Variants in CARMIL1 observed in about 807,000 individuals in gnomAD.
CARMIL1 encodes the protein capping protein regulator and myosin 1 linker 1, also known as F-actin-uncapping protein LRRC16A.
CARMIL1 carries 90 observed loss-of-function variants against 177.1 expected under a neutral mutation model. The ratio of observed to expected loss-of-function variants is 0.51; its 90% CI spans 0.43 to 0.61. CARMIL1 has a LOEUF of 0.61. CARMIL1 is among the 20% of genes least tolerant of loss of function. The pLI is 0.00. For missense variants in CARMIL1, 1,380 were observed against 1,667.0 expected (o/e 0.83, Z 3.00); for synonymous variants, 577 against 606.2 (o/e 0.95, Z 0.71).
At chr6:25,442,592 T>G (rs1439650222) in intron 5 of CARMIL1, among the ~76,000 whole-genome samples, 1 of 152,114 alleles carries the variant, frequency 6.6e-6, no homozygotes, top group Non-Finnish European at 1.5e-5. Context: ...CTCCTCTCAC[T>G]TATTATTTCT....
chr6:25,465,071 C>CAAAAAAAAAAAAAAAAAAAAAAAACA (rs558022196), intron 8 of CARMIL1, among the ~76,000 whole-genome samples: 1 of 62,022 alleles, frequency 1.6e-5, no homozygotes, highest in Non-Finnish European at 3.4e-5. Flanking sequence ...AGAACTAAAG[C>CAAAAAAAAAAAAAAAAAAAAAAAACA]AAAAAAAAAA....
At position 25,520,432 on chromosome 6, in the gene CARMIL1, G is replaced by A. The variant is rs1014493385; in HGVS notation, c.1968+95G>A. Reference sequence around the variant, plus strand: ...AAACAATACTTTGTTATTTTACGAAGTTTTTTTAAATTTTATTTTATTTTT... The same window carrying A: ...AAACAATACTTTGTTATTTTACGAAATTTTTTTAAATTTTATTTTATTTTT... On this transcript the variant is annotated intron_variant, in intron 23 of 36. Transcript: ENST00000329474. The A allele has an allele frequency of 1.5e-5, 11 of 719,810 alleles. No individual in the cohort carries two copies. In the East Asian group the frequency reaches 3.1e-4, roughly 20 times the overall value. 44.6% of individuals were successfully genotyped at this position (719,810 alleles called of 1,614,324 possible). A position where few individuals can be genotyped will look rare whatever the true frequency, so the allele number is the denominator to read the frequency against.
intron 13 of CARMIL1, 85 bp from the exon 14 acceptor site, chr6:25,491,647 C>T: frequency 2.4e-6 from 2 of 838,508 alleles, no homozygotes; most frequent in Non-Finnish European, 1.9e-6. Flanking sequence ...GAAATTCTGG[C>T]AACTTCCTTT....
chr6:25,492,104 A>G (rs1803297467), intron 15 of CARMIL1, 80 bp downstream of exon 15: 2 of 1,187,014 alleles, frequency 1.7e-6, no homozygotes, highest in South Asian at 1.3e-5. Flanking sequence ...GAAAACAGTG[A>G]TAAAGGGTGA....
At chr6:25,319,187 G>A (rs894193194) in intron 2 of CARMIL1, among the ~76,000 whole-genome samples, 22 of 152,242 alleles carry the variant, frequency 1.4e-4, no homozygotes, top group South Asian at 6.2e-4. Flanking sequence ...TTAATTAGAC[G>A]AATTGTGAAT....
chr6:25,313,215 A>C (rs1783977153), intron 2 of CARMIL1, among the ~76,000 whole-genome samples: 1 of 151,318 alleles, frequency 6.6e-6, no homozygotes, highest in African/African-American at 2.4e-5. Flanking sequence ...AGAAAAAAAA[A>C]CCAAGCTTAG....
Position 25,594,545 on chromosome 6 carries a change from T to C in CARMIL1, c.3119+18T>C. On this transcript the variant is annotated intron_variant, in intron 32 of 36. Transcript: ENST00000329474. Reference sequence around the variant, plus strand: ...GATTCCAAGTGAGTTCAGAGTAATTTCACTGATAATGCTATTTTATTCATA... The same window carrying C: ...GATTCCAAGTGAGTTCAGAGTAATTCCACTGATAATGCTATTTTATTCATA... 1 of 1,279,450 alleles carries C rather than the reference T, an allele frequency of 7.8e-7. No homozygotes were observed. Among genetic ancestry groups the C allele is most frequent in the Non-Finnish European group, 1.1e-6 (1 of 879,736 alleles). 79.3% of individuals were successfully genotyped at this position (1,279,450 alleles called of 1,614,324 possible). A position where few individuals can be genotyped will look rare whatever the true frequency, so the allele number is the denominator to read the frequency against.
chr6:25,540,490 C>T (rs214064), intron 26 of CARMIL1, among the ~76,000 whole-genome samples: 136,069 of 152,132 alleles, frequency 0.89, 61,205 homozygotes, highest in African/African-American at 0.98. Flanking sequence ...AGATAATCTT[C>T]AAAGGGGCTG....
chr6:25,481,286 C>A (rs1802101137), intron 11 of CARMIL1, among the ~76,000 whole-genome samples: 2 of 152,164 alleles, frequency 1.3e-5, no homozygotes, highest in Non-Finnish European at 2.9e-5. Context: ...ATAGAGGCTC[C>A]CAGAACACCC....
intron 2 of CARMIL1, among the ~76,000 whole-genome samples, chr6:25,377,059 A>T (rs1791058948): frequency 6.6e-6 from 1 of 152,088 alleles, no homozygotes; most frequent in African/African-American, 2.4e-5. Flanking sequence ...TTGTGACTGT[A>T]CCCCTCATCC....
At chr6:25,303,651 C>G (rs771273958) in intron 2 of CARMIL1, among the ~76,000 whole-genome samples, 2 of 152,232 alleles carry the variant, frequency 1.3e-5, no homozygotes, top group Admixed American at 6.5e-5. Context: ...AGTGTGTTAT[C>G]TTTTACACAA....
chr6:25,467,853 C>G (rs1329381301), intron 9 of CARMIL1, among the ~76,000 whole-genome samples: 1 of 152,086 alleles, frequency 6.6e-6, no homozygotes, highest in African/African-American at 2.4e-5. Flanking sequence ...CTCTACAGGT[C>G]TTCAAAAAGA....
chr6:25,279,817 G>A lies in CARMIL1; in HGVS notation c.22G>A (p.Val8Ile). MTEESSDVPRELIESIKD... is the reference protein window; with the variant it reads MTEESSDIPRELIESIKD... ...AACCATGACCGAGGAGAGCTCTGAC[G>A]TTCCCAGGGAGTTGATAGGTAAGAT... Residue 8 changes from valine to isoleucine, a missense_variant, in exon 1 of 37, where the codon GTT becomes ATT. Coordinates refer to ENST00000329474, the MANE Select transcript of CARMIL1 (RefSeq NM_017640.6). 7 of 1,613,974 alleles carry A rather than the reference G, an allele frequency of 4.3e-6. No homozygotes were observed. Among genetic ancestry groups the A allele is most frequent in the Non-Finnish European group, 5.1e-6 (6 of 1,179,884 alleles).
intron 9 of CARMIL1, among the ~76,000 whole-genome samples, chr6:25,469,919 G>A (rs1000469123): frequency 6.6e-5 from 10 of 152,128 alleles, no homozygotes; most frequent in Admixed American, 6.5e-4. Flanking sequence ...TTGGAATGAA[G>A]CAGGTTATAA....
chr6:25,516,219 G>A (rs1805979260), intron 21 of CARMIL1, among the ~76,000 whole-genome samples: 1 of 152,150 alleles, frequency 6.6e-6, no homozygotes, highest in African/African-American at 2.4e-5. Flanking sequence ...TGAGCCCAAG[G>A]TCTTAACCCC....
Position 25,536,029 on chromosome 6 carries a change from G to A in CARMIL1, c.2068-1826G>A, listed in dbSNP as rs139317896. On this transcript the variant is annotated intron_variant, in intron 24 of 36. Transcript: ENST00000329474. ...CTCTCCCCTTGGTGAATGCTTAAGGGCATACATTTCAAGTGTCTCTTTGTT... is the reference window on the plus strand; with the variant it reads ...CTCTCCCCTTGGTGAATGCTTAAGGACATACATTTCAAGTGTCTCTTTGTT... Among the ~76,000 whole-genome samples the A allele has an allele frequency of 2.4e-3, 363 of 152,188 alleles. 1 individual carries two copies. Among genetic ancestry groups the A allele is most frequent in the African/African-American group, 8.5e-3 (354 of 41,554 alleles).
At chr6:25,333,008 C>T (rs74988699) in intron 2 of CARMIL1, among the ~76,000 whole-genome samples, 7,861 of 152,136 alleles carry the variant, frequency 0.052, 285 homozygotes, top group Non-Finnish European at 0.086. Flanking sequence ...CTCTCTTTTT[C>T]TGCTGGAGAG....
chr6:25,543,005 A>G (rs1019118853), intron 26 of CARMIL1, among the ~76,000 whole-genome samples: 3 of 152,166 alleles, frequency 2.0e-5, no homozygotes, highest in African/African-American at 7.2e-5. Context: ...TTAAACTTGC[A>G]AGAGCTAAAG....
intron 1 of CARMIL1, among the ~76,000 whole-genome samples, chr6:25,284,084 G>C (rs1334323433): frequency 1.3e-5 from 2 of 152,108 alleles, no homozygotes; most frequent in Non-Finnish European, 2.9e-5. Context: ...CATAGAGAAT[G>C]CTAATATTTG....
Sources: gnomAD v4.1 joint callset for allele counts (sites outside exome capture counted in the v4.1 genomes callset) on GRCh38, gnomAD v4.1.1 for gene constraint, MANE v1.5 for transcripts, NCBI Gene and HGNC (gene_info 2026-07-23, HGNC 2026-07-21) for gene names.